The following ASTN2 variants were observed in gnomAD, a reference collection of about 807,000 sequenced individuals.
ASTN2 encodes astrotactin-2.
In ASTN2, 54 loss-of-function variants were observed where a neutral mutation model predicts 139.8. That is an observed-to-expected ratio of 0.39 (90% CI 0.31 to 0.48). The LOEUF is 0.48. ASTN2 is among the 20% of genes least tolerant of loss of function. The probability of loss-of-function intolerance (pLI) is 0.95; values close to 1 mark genes in which losing one functional copy is unlikely to be tolerated. For missense variants in ASTN2, 1,565 were observed against 1,725.1 expected (o/e 0.91, Z 1.64); for synonymous variants, 756 against 719.5 (o/e 1.05, Z -0.81).
In ASTN2 at chr9:116,805,713, G is replaced by A; in HGVS notation, c.2315C>T (p.Thr772Ile). 1 of 1,613,960 alleles carries A rather than the reference G, an allele frequency of 6.2e-7. No homozygotes were observed. The highest frequency in any genetic ancestry group is 8.5e-7 in the Non-Finnish European group (1 of 1,179,854). Residue 772 changes from threonine (T) to isoleucine (I), a missense_variant, in exon 13 of 23, where the codon ACC (threonine) becomes ATC (isoleucine). Thr to Ile is a moderately conservative substitution (Grantham distance 89, BLOSUM62 -1). Transcript: ENST00000313400. ...CLKPDSKFND[T>I]LFGEMLHGYN... Reference sequence around the variant, plus strand: ...ACCATGTAGCATCTCTCCAAAGAGGGTATCATTGAATTTGGAGTCAGGTTT... The same window carrying A: ...ACCATGTAGCATCTCTCCAAAGAGGATATCATTGAATTTGGAGTCAGGTTT...
chr9:117,275,160 C>A (rs1036122180), intron 2 of ASTN2, among the ~76,000 whole-genome samples: 2 of 152,334 alleles, frequency 1.3e-5, no homozygotes, highest in Admixed American at 6.5e-5. Flanking sequence ...TCACCACATG[C>A]ACCTTTAGCA....
intron 10 of ASTN2, among the ~76,000 whole-genome samples, chr9:116,914,056 C>A (rs1834381384): frequency 6.8e-6 from 1 of 148,056 alleles, no homozygotes; most frequent in South Asian, 2.2e-4. Flanking sequence ...AGGTGTGGAG[C>A]CTGGAAATAG....
chr9:117,190,758 T>G (rs533633497), intron 3 of ASTN2, among the ~76,000 whole-genome samples: 2 of 152,252 alleles, frequency 1.3e-5, no homozygotes, highest in South Asian at 2.1e-4. Flanking sequence ...ATGTGTTATC[T>G]GATCATTAAG....
chr9:116,539,693 G>A (rs1486953514), intron 19 of ASTN2, among the ~76,000 whole-genome samples: 4 of 152,184 alleles, frequency 2.6e-5, no homozygotes, highest in African/African-American at 7.2e-5. Flanking sequence ...ACTAACGGGT[G>A]TATACGCTGG....
intron 19 of ASTN2, among the ~76,000 whole-genome samples, chr9:116,490,784 C>G (rs1009894234): frequency 1.3e-5 from 2 of 152,106 alleles, no homozygotes; most frequent in Non-Finnish European, 2.9e-5. Flanking sequence ...AATCAACTCC[C>G]TCGAGGTCCC....
chr9:116,996,890 T>C (rs1837038348), intron 7 of ASTN2, among the ~76,000 whole-genome samples: 2 of 152,294 alleles, frequency 1.3e-5, no homozygotes, highest in South Asian at 4.1e-4. Flanking sequence ...AGAAGACCAA[T>C]ATATTTTTTA....
intron 11 of ASTN2, among the ~76,000 whole-genome samples, chr9:116,861,891 G>A (rs977224237): frequency 6.6e-6 from 1 of 152,112 alleles, no homozygotes; most frequent in Non-Finnish European, 1.5e-5. Flanking sequence ...CTAAGATAAG[G>A]AGGGGGATTC....
chr9:116,959,001 TGAG>T (rs1448267322), intron 10 of ASTN2, among the ~76,000 whole-genome samples: 1 of 151,712 alleles, frequency 6.6e-6, no homozygotes, highest in Non-Finnish European at 1.5e-5. Context: ...GGAAGTGCAG[TGAG>T]GAGGTGAGAA....
chr9:116,889,126 C>T (rs1008738952), intron 10 of ASTN2, among the ~76,000 whole-genome samples: 5 of 152,238 alleles, frequency 3.3e-5, no homozygotes, highest in Non-Finnish European at 7.3e-5. Context: ...TCAACTGATC[C>T]ACCAGACTTG....
In ASTN2 at chr9:116,632,183, AGGG is replaced by A. The variant is rs1564168822; in HGVS notation, c.3073-11743_3073-11741del. ...CAGAGAGAGAGAGAGAGAGAGAGAGAGGGAGAGAGAGAGAAAGAAAGAAAAGAA... is the reference window on the plus strand; with the variant it reads ...CAGAGAGAGAGAGAGAGAGAGAGAGAAGAGAGAGAGAAAGAAAGAAAAGAA... On this transcript the variant is annotated intron_variant, in intron 17 of 22. Coordinates refer to ENST00000313400, the MANE Select transcript of ASTN2 (RefSeq NM_001365068.1). Among the ~76,000 whole-genome samples the A allele has an allele frequency of 7.2e-3, 165 of 22,884 alleles. 4 individuals are homozygous for A. Among genetic ancestry groups the A allele is most frequent in the African/African-American group, 0.026 (158 of 6,184 alleles). 15.0% of individuals were successfully genotyped at this position (22,884 alleles called of 152,430 possible).
At chr9:117,244,376 C>T (rs771621253) in intron 2 of ASTN2, among the ~76,000 whole-genome samples, 1 of 152,146 alleles carries the variant, frequency 6.6e-6, no homozygotes. Flanking sequence ...TTAAAGGCAA[C>T]TGCCTCATCT....
At chr9:116,660,939 C>T (rs144306099) in intron 16 of ASTN2, among the ~76,000 whole-genome samples, 10 of 152,100 alleles carry the variant, frequency 6.6e-5, no homozygotes, top group Non-Finnish European at 1.3e-4. Flanking sequence ...AGTTCTCCAC[C>T]ATCCTACAAA....
Position 116,440,770 on chromosome 9 carries a change from A to G in ASTN2, c.3621T>C (p.Asn1207=). The G allele has an allele frequency of 6.2e-7, 1 of 1,613,720 alleles. No individual in the cohort carries two copies. The highest frequency in any genetic ancestry group is 1.3e-5 in the African/African-American group (1 of 75,040). Residue 1207 remains asparagine (N), a synonymous_variant, in exon 22 of 23, where the codon AAT becomes AAC. Transcript: ENST00000313400. ...TTCCACTTGTGTACCCATTGTACAG[A>G]TTGTAGATCTTGTCAGCTATTTCTG... ...KAEEIADKIY[N]LYNGYTSGKE... is the part of the protein sequence containing the mutation.
At chr9:117,008,025 G>C in intron 7 of ASTN2, 67 bp downstream of exon 7, 1 of 1,454,556 alleles carries the variant, frequency 6.9e-7, no homozygotes, top group Non-Finnish European at 9.1e-7. Flanking sequence ...TAGGTAGAGG[G>C]AGCACAATGC....
chr9:117,182,081 C>T (rs1455233905), intron 3 of ASTN2, among the ~76,000 whole-genome samples: 7 of 152,126 alleles, frequency 4.6e-5, no homozygotes, highest in Admixed American at 1.3e-4. Context: ...CTGTTCCCCC[C>T]GATTAATGGG....
At chr9:116,488,353 G>A (rs1287948606) in intron 19 of ASTN2, among the ~76,000 whole-genome samples, 2 of 152,046 alleles carry the variant, frequency 1.3e-5, no homozygotes, top group African/African-American at 4.8e-5. Context: ...ATAGTCTTGG[G>A]CAACTAAATC....
At chr9:116,651,495 G>A (rs1393527055) in intron 17 of ASTN2, 33 bp downstream of exon 17, 2 of 1,603,602 alleles carry the variant, frequency 1.2e-6, no homozygotes, top group Non-Finnish European at 1.7e-6. Context: ...GGCTGGTCAA[G>A]TTTGACTGAG....
At chr9:117,170,939 T>C (rs1830777446) in intron 3 of ASTN2, among the ~76,000 whole-genome samples, 1 of 152,144 alleles carries the variant, frequency 6.6e-6, no homozygotes, top group Non-Finnish European at 1.5e-5. Flanking sequence ...GATGCCTAGA[T>C]GTGTTCTGCC....
intron 5 of ASTN2, among the ~76,000 whole-genome samples, chr9:117,063,049 T>C (rs1238097123): frequency 6.6e-6 from 1 of 152,214 alleles, no homozygotes; most frequent in Non-Finnish European, 1.5e-5. Context: ...TTACTTCAAG[T>C]GCATTCCAGA....
Sources: gnomAD v4.1 joint callset for allele counts (sites outside exome capture counted in the v4.1 genomes callset) on GRCh38, gnomAD v4.1.1 for gene constraint, MANE v1.5 for transcripts, NCBI Gene and HGNC (gene_info 2026-07-23, HGNC 2026-07-21) for gene names.